ZCWPW2: variants seen among roughly 807,000 people sequenced by gnomAD.
ZCWPW2 encodes zinc finger CW-type PWWP domain protein 2.
ZCWPW2 carries 45 observed loss-of-function variants against 46.6 expected under a neutral mutation model. That is an observed-to-expected ratio of 0.96 (90% CI 0.76 to 1.24). The LOEUF (loss-of-function observed/expected upper bound fraction) is 1.24. ZCWPW2 is among the 50% of genes most tolerant of loss of function. The pLI is 0.00. For missense variants in ZCWPW2, 429 were observed against 403.9 expected, an observed-to-expected ratio of 1.06 and a Z score of -0.53; for synonymous variants, 152 against 137.1, an observed-to-expected ratio of 1.11 and a Z score of -0.76.
intron 4 of ZCWPW2, among the ~76,000 whole-genome samples, chr3:28,442,666 A>G (rs1259833275): frequency 6.6e-6 from 1 of 152,238 alleles, no homozygotes; most frequent in African/African-American, 2.4e-5. Context: ...CATACCAGGT[A>G]TCAGGAGATG....
intron 1 of ZCWPW2, among the ~76,000 whole-genome samples, chr3:28,352,869 T>A (rs1245590138): frequency 1.3e-5 from 2 of 152,160 alleles, no homozygotes; most frequent in African/African-American, 4.8e-5. Flanking sequence ...TTTTATGACA[T>A]GCATTTCCAA....
chr3:28,485,495 C>G (rs953833639), intron 5 of ZCWPW2, among the ~76,000 whole-genome samples: 2 of 152,124 alleles, frequency 1.3e-5, no homozygotes, highest in African/African-American at 4.8e-5. Flanking sequence ...GTTGAAGCCT[C>G]TAGCTATAAT....
At chr3:28,438,326 C>A (rs1559504607) in intron 4 of ZCWPW2, among the ~76,000 whole-genome samples, 2 of 152,186 alleles carry the variant, frequency 1.3e-5, no homozygotes, top group Admixed American at 1.3e-4. Context: ...CCACCACTTT[C>A]ATTTTTCCAT....
At chr3:28,514,149 T>TA (rs1275958897) in intron 7 of ZCWPW2, 27 bp downstream of exon 7, 2 of 1,384,840 alleles carry the variant, frequency 1.4e-6, no homozygotes, top group Admixed American at 4.4e-5. Context: ...TAAATAGTAT[T>TA]ATGATAAAAT....
chr3:28,396,734 T>C (rs1180394213), intron 2 of ZCWPW2, among the ~76,000 whole-genome samples: 1 of 152,218 alleles, frequency 6.6e-6, no homozygotes, highest in Non-Finnish European at 1.5e-5. Context: ...AGAACAATCA[T>C]TTTTCTCATT....
chr3:28,364,738 C>T (rs992925193), intron 1 of ZCWPW2, among the ~76,000 whole-genome samples: 4 of 151,490 alleles, frequency 2.6e-5, no homozygotes, highest in Non-Finnish European at 5.9e-5. Flanking sequence ...TGGTGTGCTG[C>T]ACCCACTGAC....
intron 7 of ZCWPW2, 118 bp downstream of exon 7, chr3:28,514,240 A>G (rs1700505325): frequency 4.7e-6 from 3 of 632,560 alleles, no homozygotes; most frequent in African/African-American, 2.0e-5. Flanking sequence ...CAACCACTGC[A>G]TAGTCAGGGC....
intron 1 of ZCWPW2, among the ~76,000 whole-genome samples, chr3:28,383,655 A>G (rs1695175744): frequency 6.6e-6 from 1 of 152,048 alleles, no homozygotes; most frequent in East Asian, 1.9e-4. Flanking sequence ...TTTTAAGTCA[A>G]GACATTCTAA....
At chr3:28,413,475 G>C in intron 3 of ZCWPW2, 75 bp downstream of exon 3, 2 of 1,263,522 alleles carry the variant, frequency 1.6e-6, no homozygotes, top group Non-Finnish European at 2.2e-6. Context: ...TCTTTTTGAA[G>C]ACTAAACATT....
chr3:28,350,348 T>G (rs1704496408), intron 1 of ZCWPW2, among the ~76,000 whole-genome samples: 1 of 152,196 alleles, frequency 6.6e-6, no homozygotes, highest in Non-Finnish European at 1.5e-5. Context: ...TAAGAATTGT[T>G]GAAAAGGCAG....
intron 8 of ZCWPW2, among the ~76,000 whole-genome samples, chr3:28,519,056 A>G (rs1295321467): frequency 1.3e-5 from 2 of 152,222 alleles, no homozygotes; most frequent in Non-Finnish European, 2.9e-5. Context: ...TTTGAATGCC[A>G]CTGTTTTAGA....
intron 6 of ZCWPW2, among the ~76,000 whole-genome samples, chr3:28,494,681 A>G (rs1699927341): frequency 7.2e-6 from 1 of 139,858 alleles, no homozygotes; most frequent in African/African-American, 2.7e-5. Flanking sequence ...AGAAAACCCC[A>G]TCGTCTCAGC....
At chr3:28,384,653 C>T (rs966509484) in intron 1 of ZCWPW2, among the ~76,000 whole-genome samples, 2 of 149,280 alleles carry the variant, frequency 1.3e-5, no homozygotes, top group African/African-American at 2.5e-5. Flanking sequence ...CACTCTGTCA[C>T]CCAGGCTGGA....
intron 4 of ZCWPW2, among the ~76,000 whole-genome samples, chr3:28,448,784 C>CAAAAAAAA (rs576935771): frequency 1.8e-4 from 12 of 65,358 alleles, no homozygotes; most frequent in East Asian, 4.8e-4. Flanking sequence ...GACTCTGTCT[C>CAAAAAAAA]AAAAAAAAAA....
At chr3:28,362,800 A>G (rs976453703) in intron 1 of ZCWPW2, among the ~76,000 whole-genome samples, 1 of 152,136 alleles carries the variant, frequency 6.6e-6, no homozygotes, top group Non-Finnish European at 1.5e-5. Context: ...AGCAAAGACA[A>G]TGAATCAACC....
chr3:28,503,364 T>G lies in ZCWPW2; in HGVS notation c.658-10700T>G, dbSNP rs193233692. On this transcript the variant is annotated intron_variant, in intron 6 of 9. Transcript: ENST00000383768. Reference sequence around the variant, plus strand: ...TTTTGCTGATTATATTTATTGAAAATGTAATCCTTTCTCTCTGATTCAGAG... The same window carrying G: ...TTTTGCTGATTATATTTATTGAAAAGGTAATCCTTTCTCTCTGATTCAGAG... Among the ~76,000 whole-genome samples the G allele has an allele frequency of 9.2e-5, 14 of 152,262 alleles. 1 individual carries two copies. Among genetic ancestry groups the G allele is most frequent in the African/African-American group, 3.4e-4 (14 of 41,568 alleles).
chr3:28,403,443 T>A (rs746838912), intron 2 of ZCWPW2, among the ~76,000 whole-genome samples: 1 of 152,018 alleles, frequency 6.6e-6, no homozygotes, highest in South Asian at 2.1e-4. Flanking sequence ...ATGGGTAGAA[T>A]CAATATTGTG....
chr3:28,473,962 C>T (rs1332731949), intron 4 of ZCWPW2, among the ~76,000 whole-genome samples: 1 of 151,972 alleles, frequency 6.6e-6, no homozygotes, highest in Non-Finnish European at 1.5e-5. Context: ...TTTTCTAGCA[C>T]AAAAGGGTGA....
chr3:28,447,633 A>G, intron 4 of ZCWPW2: 1 of 312,758 alleles, frequency 3.2e-6, no homozygotes, highest in South Asian at 3.8e-5. Context: ...TCTATTCAAC[A>G]TAGTTCTGAA....
Sources: gnomAD v4.1 joint callset for allele counts (sites outside exome capture counted in the v4.1 genomes callset) on GRCh38, gnomAD v4.1.1 for gene constraint, MANE v1.5 for transcripts, NCBI Gene and HGNC (gene_info 2026-07-23, HGNC 2026-07-21) for gene names.